PDCD1LG2: variants seen among roughly 807,000 people sequenced by gnomAD.
PDCD1LG2 encodes the protein B7 dendritic cell molecule.
A neutral mutation model predicts 28.2 loss-of-function variants in PDCD1LG2; 32 were observed. The ratio of observed to expected loss-of-function variants is 1.13; its 90% confidence interval spans 0.86 to 1.52. The LOEUF (loss-of-function observed/expected upper bound fraction) is 1.52, where lower values mean the gene tolerates loss of function less well. Among genes scored for constraint, PDCD1LG2 ranks in the 40% most tolerant of loss-of-function variants. The pLI, the probability that PDCD1LG2 is intolerant of heterozygous loss-of-function variation, is 0.00. For missense variants in PDCD1LG2, 385 were observed against 323.8 expected (o/e 1.19, Z -1.45); for synonymous variants, 116 against 120.2 (o/e 0.97, Z 0.23).
rs1442092742 is a variant in PDCD1LG2 at position 5,535,049 on chromosome 9, A to T, written c.360A>T (p.Lys120Asn). Residue 120 changes from lysine (K) to asparagine (N), a missense_variant and splice_region_variant, in exon 3 of 7, where the codon AAA (lysine) becomes AAT (asparagine). Coordinates refer to ENST00000397747, the MANE Select transcript of PDCD1LG2 (RefSeq NM_025239.4). ...ACAAGTACCTGACTCTGAAAGTCAA[A>T]GGTGAGTGGTGTCAAGGACTAGAAT... ...WDYKYLTLKVKASYRKINTHI... is the reference protein window; with the variant it reads ...WDYKYLTLKVNASYRKINTHI... 1 of 1,601,466 alleles carries T rather than the reference A, an allele frequency of 6.2e-7. No individual in the cohort carries two copies. The highest frequency in any genetic ancestry group is 8.5e-7 in the Non-Finnish European group (1 of 1,172,972).
At chr9:5,549,247 AT>A in intron 3 of PDCD1LG2, 87 bp from the exon 4 acceptor site, 1 of 1,252,498 alleles carries the variant, frequency 8.0e-7, no homozygotes, top group Non-Finnish European at 1.1e-6. Flanking sequence ...GATAGTGATA[AT>A]TTTATTCATT....
Position 5,522,614 on chromosome 9 carries a change from A to G in PDCD1LG2, c.55+13A>G. 6.2e-7 allele frequency: 1 copy of G among 1,612,464 alleles called. No individual in the cohort carries two copies. Among genetic ancestry groups the G allele is most frequent in the South Asian group, 1.1e-5 (1 of 90,962 alleles). On this transcript the variant is annotated intron_variant, in intron 2 of 6. Transcript: ENST00000397747. Reference sequence around the variant, plus strand: ...CACCAGATAGCAGGTAAGAAAGGACAAAGGGAGAGGCTTAAGAAAGAAGAG... The same window carrying G: ...CACCAGATAGCAGGTAAGAAAGGACGAAGGGAGAGGCTTAAGAAAGAAGAG...
intron 1 of PDCD1LG2, among the ~76,000 whole-genome samples, chr9:5,515,991 C>CTTCCCCTAG (rs1820154633): frequency 6.7e-6 from 1 of 149,592 alleles, no homozygotes; most frequent in African/African-American, 2.5e-5. Context: ...TGAGCAACTG[C>CTTCCCCTAG]TTCCCCTAGC....
intron 6 of PDCD1LG2, among the ~76,000 whole-genome samples, chr9:5,566,126 C>T (rs1164986502): frequency 1.3e-5 from 2 of 152,146 alleles, no homozygotes; most frequent in African/African-American, 4.8e-5. Flanking sequence ...CGGGAGCCAT[C>T]CCGCACTCTC....
Position 5,569,531 on chromosome 9 carries a change from C to G in PDCD1LG2, c.817-423C>G, listed in dbSNP as rs79541936. On this transcript the variant is annotated intron_variant, in intron 6 of 6. Transcript: ENST00000397747. This position sits in a 1 kb window ranked among gnomAD's most constrained non-coding sequence, Gnocchi z 4.1. ...CCCCTAGACTGAGCCCAGTCAAAGA[C>G]AGAGGGAGGAGCCCAGTGATGCAGT... Among the ~76,000 whole-genome samples the G allele has an allele frequency of 1.3e-5, 2 of 152,194 alleles. No homozygotes were observed. Among genetic ancestry groups the G allele is most frequent in the Admixed American group, 1.3e-4 (2 of 15,282 alleles).
rs748046700 is a variant in PDCD1LG2 at position 5,564,559 on chromosome 9, G to C, written c.816+1348G>C. Among the ~76,000 whole-genome samples the C allele has an allele frequency of 2.7e-4, 41 of 152,066 alleles. 1 individual carries two copies. The highest frequency in any genetic ancestry group is 2.1e-4 in the South Asian group (1 of 4,804). Reference sequence around the variant, plus strand: ...CTAATGAGGAATTTAAATATTTCTAGATAGCTTTGGAAAGGTCCCTTAAAG... The same window carrying C: ...CTAATGAGGAATTTAAATATTTCTACATAGCTTTGGAAAGGTCCCTTAAAG... On this transcript the variant is annotated intron_variant, in intron 6 of 6. Transcript: ENST00000397747.
intron 3 of PDCD1LG2, among the ~76,000 whole-genome samples, chr9:5,539,961 G>A (rs953253951): frequency 2.6e-5 from 4 of 152,128 alleles, no homozygotes; most frequent in African/African-American, 9.7e-5. Flanking sequence ...TCAGCATATG[G>A]AACATTCTCC....
In PDCD1LG2 at chr9:5,570,066, A is replaced by G. The variant is rs1333714770; in HGVS notation, c.*107A>G. ...CAGAGCTTGCCATTTGCACTTTTCA[A>G]ATGCCTTTGGATGACCCAGCACTTT... On this transcript the variant is annotated 3_prime_UTR_variant, in exon 7 of 7. Transcript: ENST00000397747. The G allele has an allele frequency of 2.8e-5, 40 of 1,414,866 alleles. No homozygotes were observed. The Admixed American group carries it at 7.1e-4, about 25-fold the overall frequency. 87.6% of individuals were successfully genotyped at this position (1,414,866 alleles called of 1,614,324 possible).
intron 1 of PDCD1LG2, among the ~76,000 whole-genome samples, chr9:5,515,796 G>A (rs984234834): frequency 1.5e-4 from 23 of 151,666 alleles, no homozygotes; most frequent in Admixed American, 1.2e-3. Flanking sequence ...AGTTGTGCAC[G>A]CCTGTTGTCC....
At chr9:5,525,338 C>A (rs1266178533) in intron 2 of PDCD1LG2, among the ~76,000 whole-genome samples, 1 of 124,414 alleles carries the variant, frequency 8.0e-6, no homozygotes, top group Non-Finnish European at 1.6e-5. Context: ...GAGTGAGATT[C>A]CATTTAAAAA....
At chr9:5,512,936 A>G (rs747270137) in intron 1 of PDCD1LG2, among the ~76,000 whole-genome samples, 21 of 152,044 alleles carry the variant, frequency 1.4e-4, no homozygotes, top group Non-Finnish European at 2.6e-4. Context: ...CAATTGTCTT[A>G]TATGTTTCTT....
chr9:5,563,866 T>C (rs1041739782), intron 6 of PDCD1LG2, among the ~76,000 whole-genome samples: 1 of 152,192 alleles, frequency 6.6e-6, no homozygotes, highest in Non-Finnish European at 1.5e-5. Flanking sequence ...AGTTTTTTGC[T>C]CTTAAGGCCC....
intron 1 of PDCD1LG2, among the ~76,000 whole-genome samples, chr9:5,516,448 C>A (rs1820165838): frequency 1.3e-5 from 2 of 152,212 alleles, no homozygotes; most frequent in African/African-American, 4.8e-5. Context: ...TAAGTTCTTA[C>A]CCCAGGCTGT....
In PDCD1LG2 at chr9:5,538,608, A is replaced by G. The variant is rs553377093; in HGVS notation, c.361+3558A>G. 8.5e-5 allele frequency among the ~76,000 whole-genome samples: 13 copies of G among 152,224 alleles called. No individual in the cohort carries two copies. In the South Asian group the frequency reaches 2.7e-3, roughly 32 times the overall value. On this transcript the variant is annotated intron_variant, in intron 3 of 6. Transcript: ENST00000397747. ...GAGGCTGAGGCAGGAGAATGGCGTTAAGCCGGGAGGCGGAGCTTGTAGTGA... is the reference window on the plus strand; with the variant it reads ...GAGGCTGAGGCAGGAGAATGGCGTTGAGCCGGGAGGCGGAGCTTGTAGTGA...
At chr9:5,512,243 C>T (rs905349646) in intron 1 of PDCD1LG2, among the ~76,000 whole-genome samples, 2 of 152,204 alleles carry the variant, frequency 1.3e-5, no homozygotes, top group African/African-American at 2.4e-5. Context: ...GTATCACCTC[C>T]TCATGCCACA....
At chr9:5,542,498 C>T (rs1820705872) in intron 3 of PDCD1LG2, among the ~76,000 whole-genome samples, 1 of 152,056 alleles carries the variant, frequency 6.6e-6, no homozygotes, top group African/African-American at 2.4e-5. Flanking sequence ...AAGAAAAAAA[C>T]AAACGATCCC....
chr9:5,540,411 C>CA (rs999180003), intron 3 of PDCD1LG2, among the ~76,000 whole-genome samples: 23 of 149,788 alleles, frequency 1.5e-4, no homozygotes, highest in African/African-American at 3.9e-4. Context: ...GAAATTGAAA[C>CA]AAAAAAAATA....
At chr9:5,514,618 A>G (rs1820120393) in intron 1 of PDCD1LG2, among the ~76,000 whole-genome samples, 1 of 152,028 alleles carries the variant, frequency 6.6e-6, no homozygotes, top group South Asian at 2.1e-4. Flanking sequence ...GCCCACAACT[A>G]TAGTCCCAGC....
Position 5,569,983 on chromosome 9 carries a change from T to G in PDCD1LG2, c.*24T>G, listed in dbSNP as rs764096400. 6.2e-7 allele frequency: 1 copy of G among 1,613,918 alleles called. No individual in the cohort carries two copies. The highest frequency in any genetic ancestry group is 8.5e-7 in the Non-Finnish European group (1 of 1,179,824). On this transcript the variant is annotated 3_prime_UTR_variant, in exon 7 of 7. Transcript: ENST00000397747. The surrounding 1 kb of genome is among the most constrained non-coding windows in gnomAD (Gnocchi z 4.1). ...GAACCTGTGGTCTTGGGAGCCAGGG[T>G]GACCTGATATGACATCTAAAGAAGC...
Sources: gnomAD v4.1 joint callset for allele counts (sites outside exome capture counted in the v4.1 genomes callset) on GRCh38, gnomAD v4.1.1 for gene constraint, Gnocchi (gnomAD v3.1) non-coding constraint, MANE v1.5 for transcripts, NCBI Gene and HGNC (gene_info 2026-07-23, HGNC 2026-07-21) for gene names.